The following DIAPH2 variants were observed in gnomAD, a reference collection of about 807,000 sequenced individuals.
DIAPH2 encodes the protein diaphanous related formin 2, also known as protein diaphanous homolog 2.
A neutral mutation model predicts 92.7 loss-of-function variants in DIAPH2; 35 were observed. That is an observed-to-expected ratio of 0.38 (90% confidence interval 0.29 to 0.50). The LOEUF (loss-of-function observed/expected upper bound fraction) is 0.50. DIAPH2 is among the 20% of genes least tolerant of loss of function. The pLI, the probability that DIAPH2 is intolerant of heterozygous loss-of-function variation, is 0.94. For synonymous variants in DIAPH2, 301 were observed against 280.4 expected (o/e 1.07, Z -0.73); for missense variants, 701 against 819.5 (o/e 0.86, Z 1.77).
At chrX:97,247,612 TCCC>T in intron 22 of DIAPH2, 100 bp from the exon 23 acceptor site, 1 of 745,986 alleles carries the variant, frequency 1.3e-6, no homozygotes. Context: ...TGGAACTATT[TCCC>T]ACATTTAAAA....
At chrX:97,252,249 G>C (rs950958084) in intron 23 of DIAPH2, among the ~76,000 whole-genome samples, 5 of 111,559 alleles carry the variant, frequency 4.5e-5, no homozygotes, top group Non-Finnish European at 9.4e-5. Flanking sequence ...CTTTTTGATT[G>C]ACTGCTGGTT....
intron 23 of DIAPH2, among the ~76,000 whole-genome samples, chrX:97,317,221 A>G (rs1602502232): frequency 8.9e-6 from 1 of 111,811 alleles, no homozygotes; most frequent in Non-Finnish European, 1.9e-5. Context: ...TCTGATTGCA[A>G]AGTAAGTCCT....
chrX:97,046,333 G>A (rs2066484205), intron 17 of DIAPH2, among the ~76,000 whole-genome samples: 1 of 111,033 alleles, frequency 9.0e-6, no homozygotes, highest in African/African-American at 3.3e-5. Context: ...CCTTTGATAG[G>A]AGGATCCTTT....
chrX:96,695,109 G>C (rs5949976), intron 1 of DIAPH2, among the ~76,000 whole-genome samples: 6,402 of 110,852 alleles, frequency 0.058, 201 homozygotes, highest in Middle Eastern at 0.17. Flanking sequence ...CACCCCACCC[G>C]GCTAATTTTT....
chrX:97,107,681 C>A (rs186787787), intron 20 of DIAPH2, among the ~76,000 whole-genome samples: 3 of 111,962 alleles, frequency 2.7e-5, no homozygotes, highest in Non-Finnish European at 5.6e-5. Context: ...CATGATCATT[C>A]TTTTTGTTAT....
chrX:96,746,641 C>T (rs747625932), intron 3 of DIAPH2, among the ~76,000 whole-genome samples: 16 of 110,212 alleles, frequency 1.5e-4, no homozygotes, highest in Admixed American at 1.3e-3. Flanking sequence ...GTGGCCTTGA[C>T]CTTCTGGGAT....
At chrX:97,171,784 C>A (rs2147452962) in intron 22 of DIAPH2, among the ~76,000 whole-genome samples, 1 of 110,867 alleles carries the variant, frequency 9.0e-6, no homozygotes, top group African/African-American at 3.3e-5. Context: ...ACTAAAAATA[C>A]AAAAAATCAG....
At chrX:97,009,759 G>C (rs1026285038) in intron 17 of DIAPH2, among the ~76,000 whole-genome samples, 1 of 111,793 alleles carries the variant, frequency 8.9e-6, no homozygotes, top group Non-Finnish European at 1.9e-5. Flanking sequence ...GGGGCTTTAG[G>C]ACTCTTCATG....
chrX:97,301,952 C>A (rs2068709510), intron 23 of DIAPH2, among the ~76,000 whole-genome samples: 1 of 111,183 alleles, frequency 9.0e-6, no homozygotes, highest in East Asian at 2.8e-4. Context: ...CAGTGGCTCA[C>A]GCCTGTAATC....
intron 8 of DIAPH2, among the ~76,000 whole-genome samples, chrX:96,917,464 G>T (rs1168315177): frequency 9.0e-6 from 1 of 111,236 alleles, no homozygotes; most frequent in African/African-American, 3.3e-5. Flanking sequence ...AACAAACTGA[G>T]AATGAGATAA....
intron 17 of DIAPH2, among the ~76,000 whole-genome samples, chrX:97,055,500 T>C (rs748575298): frequency 3.4e-4 from 38 of 111,274 alleles, no homozygotes; most frequent in African/African-American, 1.2e-3. Context: ...AATGAGTTCA[T>C]GTTGGAGCAT....
chrX:97,286,961 G>C (rs776893904), intron 23 of DIAPH2, among the ~76,000 whole-genome samples: 1 of 111,702 alleles, frequency 9.0e-6, no homozygotes, highest in South Asian at 3.8e-4. Flanking sequence ...GATGGAGCAG[G>C]TGTTATCATG....
chrX:96,968,744 C>T (rs1027824050), intron 17 of DIAPH2, among the ~76,000 whole-genome samples: 2 of 111,640 alleles, frequency 1.8e-5, no homozygotes, highest in African/African-American at 3.3e-5. Flanking sequence ...TAATTAAGTT[C>T]GATTCATCAA....
intron 1 of DIAPH2, among the ~76,000 whole-genome samples, chrX:96,722,020 A>T (rs1300940771): frequency 8.9e-6 from 1 of 111,794 alleles, no homozygotes; most frequent in Non-Finnish European, 1.9e-5. Flanking sequence ...ATTATAAATT[A>T]ACAATTTCCT....
At chrX:96,688,207 C>G (rs1330964097) in intron 1 of DIAPH2, among the ~76,000 whole-genome samples, 1 of 112,502 alleles carries the variant, frequency 8.9e-6, no homozygotes, top group Admixed American at 9.4e-5. Context: ...GCATTTTTGA[C>G]TTTGTGTTCC....
Position 97,221,633 on chromosome X carries a change from T to C in DIAPH2, c.2720-26082T>C, listed in dbSNP as rs187506235. 5.8e-3 allele frequency among the ~76,000 whole-genome samples: 650 copies of C among 111,800 alleles called. 2 individuals are homozygous for C. Among genetic ancestry groups the C allele is most frequent in the African/African-American group, 0.02 (609 of 30,830 alleles). The stretch of plus-strand genomic sequence containing the variant: ...TTTAATTTATTAACCCAAGTTTCTC[T>C]TGCTAATACATTTACTCAGAAGTAA... On this transcript the variant is annotated intron_variant, in intron 22 of 26. Coordinates refer to ENST00000324765, the MANE Select transcript of DIAPH2 (RefSeq NM_006729.5).
intron 4 of DIAPH2, among the ~76,000 whole-genome samples, chrX:96,879,818 C>T (rs1602589074): frequency 9.1e-6 from 1 of 110,337 alleles, no homozygotes; most frequent in East Asian, 2.9e-4. Flanking sequence ...CAACCTCCAC[C>T]TCCCGGGTTC....
chrX:97,293,243 C>CTTT lies in DIAPH2; in HGVS notation c.2844+45428_2844+45430dup, dbSNP rs1184478622. On this transcript the variant is annotated intron_variant, in intron 23 of 26. Coordinates refer to ENST00000324765, the MANE Select transcript of DIAPH2 (RefSeq NM_006729.5). Reference sequence around the variant, plus strand: ...GGCCTGTCTTTGTTGATATTTCTTTCTTTTTTTTTTTTTTTTTTTTTTTTT... The same window carrying CTTT: ...GGCCTGTCTTTGTTGATATTTCTTTCTTTTTTTTTTTTTTTTTTTTTTTTTTTT... Among the ~76,000 whole-genome samples, 41 of 63,205 alleles carry CTTT rather than the reference C, an allele frequency of 6.5e-4. 2 individuals are homozygous for CTTT. The highest frequency in any genetic ancestry group is 9.6e-4 in the African/African-American group (15 of 15,605). The allele number at this position is 63,205 out of a possible 115,157, so 54.9% of individuals were successfully genotyped here.
At position 97,114,774 on chromosome X, in the gene DIAPH2, A is replaced by C. The variant is rs901126815; in HGVS notation, c.2398A>C (p.Lys800Gln). Residue 800 changes from lysine to glutamine, a missense_variant, in exon 21 of 27, where the codon AAG becomes CAG. Lys to Gln is a moderately conservative substitution (Grantham distance 53). Around this residue, in one of 3 missense-constraint regions of DIAPH2, gnomAD observed 536 missense variants for 599.3 expected, o/e 0.89. Coordinates refer to ENST00000324765, the MANE Select transcript of DIAPH2 (RefSeq NM_006729.5). The stretch of plus-strand genomic sequence containing the variant: ...GCCTCGTCTCAGTAGTATCCTGTTC[A>C]AGCTCACATTTGAAGAACACATAAA... ...LQPRLSSILF[K>Q]LTFEEHINNI... The C allele has an allele frequency of 2.5e-6, 3 of 1,209,094 alleles. No individual in the cohort carries two copies. The African/African-American group carries it at 5.2e-5, about 21-fold the overall frequency.
Sources: gnomAD v4.1 joint callset for allele counts (sites outside exome capture counted in the v4.1 genomes callset) on GRCh38, gnomAD v4.1.1 for gene constraint, gnomAD v4.1.1 regional missense constraint, MANE v1.5 for transcripts, NCBI Gene and HGNC (gene_info 2026-07-23, HGNC 2026-07-21) for gene names.